Variants in NKAIN2 observed in about 807,000 individuals in gnomAD.
The protein encoded by NKAIN2 is sodium/potassium-transporting ATPase subunit beta-1-interacting protein 2.
Under a neutral mutation model 32.6 loss-of-function variants are expected in NKAIN2, and 14 were observed. The ratio of observed to expected loss-of-function variants is 0.43; its 90% CI spans 0.28 to 0.67. NKAIN2 has a LOEUF of 0.67. NKAIN2 is among the 30% of genes least tolerant of loss of function. The pLI is 0.17. For synonymous variants in NKAIN2, 80 were observed against 87.2 expected, an observed-to-expected ratio of 0.92 and a Z score of 0.46; for missense variants, 198 against 258.3, an observed-to-expected ratio of 0.77 and a Z score of 1.60.
At chr6:123,927,092 C>T (rs1776038369) in intron 1 of NKAIN2, among the ~76,000 whole-genome samples, 1 of 152,096 alleles carries the variant, frequency 6.6e-6, no homozygotes, top group Admixed American at 6.5e-5. Context: ...TATATTTTCC[C>T]GCATTTGCTT....
At chr6:124,053,259 G>A (rs1321659462) in intron 1 of NKAIN2, among the ~76,000 whole-genome samples, 1 of 151,860 alleles carries the variant, frequency 6.6e-6, no homozygotes, top group Non-Finnish European at 1.5e-5. Context: ...CATCTGGGGT[G>A]GGGGCCTACA....
At chr6:124,360,238 T>C (rs1035967986) in intron 3 of NKAIN2, among the ~76,000 whole-genome samples, 2 of 152,164 alleles carry the variant, frequency 1.3e-5, no homozygotes, top group Non-Finnish European at 2.9e-5. Flanking sequence ...ATTCTCTTTT[T>C]TGGTTGTGTC....
At chr6:124,453,852 A>T (rs567688160) in intron 3 of NKAIN2, among the ~76,000 whole-genome samples, 128 of 152,146 alleles carry the variant, frequency 8.4e-4, no homozygotes, top group African/African-American at 3.0e-3. Context: ...TCATATAGTT[A>T]AAAAAAGTAT....
At position 124,695,064 on chromosome 6, in the gene NKAIN2, A is replaced by G. The variant is rs2114550005; in HGVS notation, c.474+36678A>G. Among the ~76,000 whole-genome samples, 2 of 150,108 alleles carry G rather than the reference A, an allele frequency of 1.3e-5. 1 individual carries two copies. Among genetic ancestry groups the G allele is most frequent in the South Asian group, 4.2e-4 (2 of 4,740 alleles). On this transcript the variant is annotated intron_variant, in intron 4 of 6. Transcript: ENST00000368417. ...CTCTTCCTCCTTGTTTTTTTATTGG[A>G]TAGTGTTTTTTCAGTAGTGCATGGA...
chr6:124,460,333 T>C (rs1776483802), intron 3 of NKAIN2, among the ~76,000 whole-genome samples: 1 of 151,838 alleles, frequency 6.6e-6, no homozygotes, highest in Admixed American at 6.6e-5. Context: ...AATGAGGTGG[T>C]CACAACTGCT....
At chr6:123,989,534 G>T (rs1779324776) in intron 1 of NKAIN2, among the ~76,000 whole-genome samples, 1 of 152,102 alleles carries the variant, frequency 6.6e-6, no homozygotes, top group African/African-American at 2.4e-5. Flanking sequence ...TCCATAGCAT[G>T]TATAAAATAA....
intron 3 of NKAIN2, among the ~76,000 whole-genome samples, chr6:124,590,399 T>A (rs1481023184): frequency 6.6e-6 from 1 of 152,200 alleles, no homozygotes; most frequent in African/African-American, 2.4e-5. Flanking sequence ...TCTTGCATTC[T>A]CATAGCTTGA....
chr6:124,755,346 C>A (rs917613027), intron 4 of NKAIN2, among the ~76,000 whole-genome samples: 25 of 152,118 alleles, frequency 1.6e-4, no homozygotes, highest in Non-Finnish European at 2.8e-4. Context: ...TTGAATGGTG[C>A]CCAACCACGT....
intron 1 of NKAIN2, among the ~76,000 whole-genome samples, chr6:123,996,469 G>T (rs908422715): frequency 6.6e-6 from 1 of 152,058 alleles, no homozygotes; most frequent in Non-Finnish European, 1.5e-5. Context: ...TACCAAGCTT[G>T]TGATAAGTCA....
chr6:124,585,137 T>A (rs780689477), intron 3 of NKAIN2, among the ~76,000 whole-genome samples: 1 of 152,166 alleles, frequency 6.6e-6, no homozygotes, highest in Admixed American at 6.5e-5. Context: ...CAAAAAAGAA[T>A]AAGATCCTAT....
chr6:124,746,231 A>T (rs1257160485), intron 4 of NKAIN2, among the ~76,000 whole-genome samples: 1 of 151,902 alleles, frequency 6.6e-6, no homozygotes, highest in African/African-American at 2.4e-5. Context: ...TCCAAATTAC[A>T]ATAAAAGTAA....
chr6:124,228,291 A>T (rs537539081), intron 1 of NKAIN2, among the ~76,000 whole-genome samples: 1 of 152,224 alleles, frequency 6.6e-6, no homozygotes, highest in South Asian at 2.1e-4. Flanking sequence ...GAGACCAAAG[A>T]GCTAGCTGGC....
chr6:124,576,295 A>C (rs1192475300), intron 3 of NKAIN2, among the ~76,000 whole-genome samples: 1 of 152,186 alleles, frequency 6.6e-6, no homozygotes, highest in Non-Finnish European at 1.5e-5. Context: ...TTTACCTTAA[A>C]GAACAACTGT....
intron 3 of NKAIN2, among the ~76,000 whole-genome samples, chr6:124,648,295 T>C (rs934153442): frequency 1.8e-4 from 27 of 152,126 alleles, no homozygotes; most frequent in Admixed American, 6.5e-5. Flanking sequence ...GAAATAGAGG[T>C]GCTATCATTT....
At chr6:124,661,719 G>A (rs1226736043) in intron 4 of NKAIN2, among the ~76,000 whole-genome samples, 1 of 152,172 alleles carries the variant, frequency 6.6e-6, no homozygotes, top group East Asian at 1.9e-4. Context: ...TTTTCTTCTG[G>A]TTAGCATCAG....
chr6:124,127,912 C>T (rs939766561), intron 1 of NKAIN2, among the ~76,000 whole-genome samples: 6 of 152,078 alleles, frequency 3.9e-5, no homozygotes, highest in African/African-American at 9.7e-5. Flanking sequence ...CTGCACCCTC[C>T]GTCTTCTTAG....
Position 124,291,715 on chromosome 6 carries a change from C to T in NKAIN2, c.192+8573C>T, listed in dbSNP as rs546308889. On this transcript the variant is annotated intron_variant, in intron 2 of 6. Transcript: ENST00000368417. ...TCTGAGAAGCTTTATCTGCATAATA[C>T]GACAACCTTTGTTCATCTTGTGGTT... Among the ~76,000 whole-genome samples, 19 of 152,218 alleles carry T rather than the reference C, an allele frequency of 1.2e-4. 1 individual carries two copies. The East Asian group carries it at 1.4e-3, about 11-fold the overall frequency.
intron 3 of NKAIN2, among the ~76,000 whole-genome samples, chr6:124,569,577 G>C (rs534364218): frequency 5.3e-5 from 8 of 152,042 alleles, no homozygotes. Context: ...AATAAGGCTC[G>C]TGAGATCTGA....
intron 1 of NKAIN2, among the ~76,000 whole-genome samples, chr6:124,186,669 A>G (rs1789757089): frequency 1.3e-5 from 2 of 152,182 alleles, no homozygotes; most frequent in Non-Finnish European, 2.9e-5. Context: ...ACCCTAACCA[A>G]TACTATTGCT....
Sources: gnomAD v4.1 joint callset for allele counts (sites outside exome capture counted in the v4.1 genomes callset) on GRCh38, gnomAD v4.1.1 for gene constraint, MANE v1.5 for transcripts, NCBI Gene and HGNC (gene_info 2026-07-23, HGNC 2026-07-21) for gene names.